SDK1: variants seen among roughly 807,000 people sequenced by gnomAD.
SDK1 encodes the protein protein sidekick-1.
A neutral mutation model predicts 245.5 loss-of-function variants in SDK1; 157 were observed. The observed-to-expected ratio is 0.64, with a 90% CI of 0.56 to 0.73. SDK1 has a LOEUF of 0.73. Among genes scored for constraint, SDK1 ranks in the 30% least tolerant of loss-of-function variants. The probability of loss-of-function intolerance (pLI) is 0.00; values close to 1 mark genes in which losing one functional copy is unlikely to be tolerated. For missense variants in SDK1, 3,583 were observed against 3,002.3 expected (o/e 1.19, Z -4.52); for synonymous variants, 1,647 against 1,278.5 (o/e 1.29, Z -6.15).
chr7:3,880,742 A>G (rs1265223196), intron 5 of SDK1, among the ~76,000 whole-genome samples: 1 of 152,080 alleles, frequency 6.6e-6, no homozygotes, highest in Non-Finnish European at 1.5e-5. Flanking sequence ...CTTCACTGAA[A>G]GACAAACCAG....
chr7:3,503,536 G>A (rs147304427), intron 1 of SDK1, among the ~76,000 whole-genome samples: 120 of 152,248 alleles, frequency 7.9e-4, no homozygotes, highest in African/African-American at 2.8e-3. Context: ...AAATTAGCCA[G>A]TTGTGATGGT....
intron 22 of SDK1, among the ~76,000 whole-genome samples, chr7:4,083,147 G>C: frequency 6.6e-6 from 1 of 152,126 alleles, no homozygotes; most frequent in Non-Finnish European, 1.5e-5. Flanking sequence ...TGGACAGTTT[G>C]ACAGCTTTTG....
chr7:3,419,511 G>A (rs376165708), intron 1 of SDK1, among the ~76,000 whole-genome samples: 2 of 152,258 alleles, frequency 1.3e-5, no homozygotes, highest in South Asian at 2.1e-4. Context: ...TCCGCAGGGG[G>A]TTGCTGTTTC....
intron 22 of SDK1, 79 bp downstream of exon 22, chr7:4,079,663 A>G (rs1780933115): frequency 3.2e-6 from 5 of 1,576,836 alleles, no homozygotes; most frequent in Admixed American, 1.7e-5. Context: ...ACCCCTGCAG[A>G]TGATGGCTTG....
intron 22 of SDK1, among the ~76,000 whole-genome samples, chr7:4,101,036 A>G (rs7810664): frequency 0.053 from 8,082 of 152,252 alleles, 605 homozygotes; most frequent in African/African-American, 0.16. Flanking sequence ...CCTTTAGGCC[A>G]GTGCTCTCCG....
chr7:3,939,079 C>G (rs984854555), intron 5 of SDK1, among the ~76,000 whole-genome samples: 1 of 152,194 alleles, frequency 6.6e-6, no homozygotes, highest in Non-Finnish European at 1.5e-5. Flanking sequence ...ATGGGATATA[C>G]GACCGTATTT....
chr7:3,374,019 GC>G (rs1365093812), intron 1 of SDK1, among the ~76,000 whole-genome samples: 1 of 152,166 alleles, frequency 6.6e-6, no homozygotes, highest in Non-Finnish European at 1.5e-5. Flanking sequence ...TTTGTAAAAT[GC>G]CATGTTTCTT....
chr7:3,405,968 A>G (rs1449732400), intron 1 of SDK1, among the ~76,000 whole-genome samples: 2 of 152,020 alleles, frequency 1.3e-5, no homozygotes, highest in East Asian at 3.9e-4. Context: ...ATACCTCACT[A>G]TGCCCAGCTA....
intron 5 of SDK1, among the ~76,000 whole-genome samples, chr7:3,877,478 T>C (rs1781103756): frequency 6.6e-6 from 1 of 152,162 alleles, no homozygotes. Flanking sequence ...GAAACTCACA[T>C]CTTTTTGGGG....
chr7:3,580,301 T>G (rs1468716827), intron 1 of SDK1, among the ~76,000 whole-genome samples: 1 of 152,110 alleles, frequency 6.6e-6, no homozygotes, highest in Non-Finnish European at 1.5e-5. Context: ...ATTTTAAAAT[T>G]CACATGGAAC....
At chr7:3,912,868 C>G (rs1392158139) in intron 5 of SDK1, among the ~76,000 whole-genome samples, 1 of 151,408 alleles carries the variant, frequency 6.6e-6, no homozygotes, top group Non-Finnish European at 1.5e-5. Context: ...AGTCCTTAAC[C>G]AAAAAAAAGT....
Position 4,266,411 on chromosome 7 carries a change from G to A in SDK1, c.*1027G>A, listed in dbSNP as rs1788474230. 2.0e-6 allele frequency: 2 copies of A among 985,106 alleles called. No homozygotes were observed. The highest frequency in any genetic ancestry group is 1.8e-5 in the African/African-American group (1 of 57,132). 61.0% of individuals were successfully genotyped at this position (985,106 alleles called of 1,614,324 possible). ...AAGCAAAACAGCTCTGAGAACACAC[G>A]CTCCCGACTCGCCTCGTGCACACCA... On this transcript the variant is annotated 3_prime_UTR_variant, in exon 45 of 45. Coordinates refer to ENST00000404826, the MANE Select transcript of SDK1 (RefSeq NM_152744.4).
intron 1 of SDK1, among the ~76,000 whole-genome samples, chr7:3,560,470 G>A (rs1232741633): frequency 6.6e-6 from 1 of 151,834 alleles, no homozygotes; most frequent in East Asian, 1.9e-4. Context: ...TAGTATCATT[G>A]GGTTTGACTT....
rs768362047 is a variant in SDK1 at position 3,429,845 on chromosome 7, C to T, written c.298+127961C>T. Among the ~76,000 whole-genome samples the T allele has an allele frequency of 2.0e-5, 3 of 151,914 alleles. 1 individual carries two copies. The highest frequency in any genetic ancestry group is 4.4e-5 in the Non-Finnish European group (3 of 68,006). On this transcript the variant is annotated intron_variant, in intron 1 of 44. Transcript: ENST00000404826. ...GGTTCAAGCAGTCCTCCTGCTTTGG[C>T]CTCCCAATGAGTTGGGATTACAGGC...
intron 15 of SDK1, 56 bp from the exon 16 acceptor site, chr7:4,012,039 G>C: frequency 7.5e-7 from 1 of 1,335,174 alleles, no homozygotes; most frequent in South Asian, 2.2e-5. Context: ...ATGCAAATGG[G>C]CCCCCGCTGT....
At chr7:4,100,148 C>A (rs1782439231) in intron 22 of SDK1, among the ~76,000 whole-genome samples, 1 of 152,184 alleles carries the variant, frequency 6.6e-6, no homozygotes, top group Non-Finnish European at 1.5e-5. Context: ...AGGGAATCAC[C>A]CAACATGTGG....
chr7:3,892,874 A>G (rs1383818240), intron 5 of SDK1, among the ~76,000 whole-genome samples: 1 of 152,160 alleles, frequency 6.6e-6, no homozygotes, highest in Non-Finnish European at 1.5e-5. Context: ...GTTCCTCTTC[A>G]ATATTAACCA....
chr7:3,478,775 T>C (rs1781421152), intron 1 of SDK1, among the ~76,000 whole-genome samples: 1 of 152,212 alleles, frequency 6.6e-6, no homozygotes, highest in South Asian at 2.1e-4. Context: ...ATTTGTTGAA[T>C]TTGATGCTTA....
chr7:3,499,544 T>TA (rs771098333), intron 1 of SDK1, among the ~76,000 whole-genome samples: 12 of 152,232 alleles, frequency 7.9e-5, no homozygotes, highest in Non-Finnish European at 1.2e-4. Flanking sequence ...GCCTCAGAGG[T>TA]AAACACGTCA....
Sources: allele counts gnomAD v4.1 joint callset (sites outside exome capture counted in the v4.1 genomes callset), GRCh38; gene constraint gnomAD v4.1.1; transcripts MANE v1.5; gene names NCBI Gene and HGNC (gene_info 2026-07-23, HGNC 2026-07-21).